Variants in RELN observed in about 807,000 individuals in gnomAD.
RELN encodes the protein reelin.
A neutral mutation model predicts 427.6 loss-of-function variants in RELN; 108 were observed. The ratio of observed to expected loss-of-function variants is 0.25; its 90% CI spans 0.22 to 0.30. The LOEUF is 0.30. Ranked by LOEUF, RELN falls within the 10% of genes least tolerant of loss-of-function variation. RELN has a pLI of 1.00. For missense variants in RELN, 3,715 were observed against 4,302.8 expected (o/e 0.86, Z 3.82); for synonymous variants, 1,524 against 1,513.4 (o/e 1.01, Z -0.16).
At chr7:103,828,340 T>G (rs2116393273) in intron 3 of RELN, among the ~76,000 whole-genome samples, 1 of 152,132 alleles carries the variant, frequency 6.6e-6, no homozygotes, top group Non-Finnish European at 1.5e-5. Flanking sequence ...TTAAGAAAAC[T>G]ATCCCTCTAG....
intron 1 of RELN, among the ~76,000 whole-genome samples, chr7:103,944,475 G>A (rs1157395251): frequency 6.6e-6 from 1 of 152,162 alleles, no homozygotes; most frequent in African/African-American, 2.4e-5. Context: ...ATGTAAGTCA[G>A]GAATGGATAC....
intron 3 of RELN, among the ~76,000 whole-genome samples, chr7:103,786,240 G>C: frequency 6.6e-6 from 1 of 151,860 alleles, no homozygotes. Context: ...ACTAAGGAGA[G>C]ATAATCACTA....
At chr7:103,664,934 G>A (rs62482607) in intron 11 of RELN, among the ~76,000 whole-genome samples, 7,536 of 152,010 alleles carry the variant, frequency 0.05, 299 homozygotes, top group Non-Finnish European at 0.076. Flanking sequence ...TGGATGTATG[G>A]ATGAGTTTTA....
intron 4 of RELN, among the ~76,000 whole-genome samples, chr7:103,757,084 A>G (rs1191654944): frequency 6.6e-6 from 1 of 152,226 alleles, no homozygotes; most frequent in African/African-American, 2.4e-5. Context: ...AGCCTGAGGA[A>G]GAATGATATA....
At chr7:103,950,970 C>G (rs960184954) in intron 1 of RELN, among the ~76,000 whole-genome samples, 2 of 152,150 alleles carry the variant, frequency 1.3e-5, no homozygotes, top group African/African-American at 4.8e-5. Flanking sequence ...GCTCTGTCGC[C>G]CAGGCTGGAG....
At chr7:103,885,540 A>C (rs1794707380) in intron 2 of RELN, among the ~76,000 whole-genome samples, 3 of 152,196 alleles carry the variant, frequency 2.0e-5, no homozygotes, top group Admixed American at 2.0e-4. Flanking sequence ...TGGAACAATG[A>C]GAACACATGG....
At chr7:103,654,293 C>G in intron 12 of RELN, 88 bp from the exon 13 acceptor site, 1 of 755,708 alleles carries the variant, frequency 1.3e-6, no homozygotes, top group Non-Finnish European at 2.4e-6. Context: ...AATGAAAAAT[C>G]ATTATAGTAC....
chr7:103,628,753 CAAAAT>C (rs774287250), intron 20 of RELN, among the ~76,000 whole-genome samples: 51 of 152,262 alleles, frequency 3.3e-4, no homozygotes, highest in Admixed American at 5.2e-4. Context: ...TGACTTAATA[CAAAAT>C]AAAAGTCTTT....
Position 103,818,152 on chromosome 7 carries a change from AT to A in RELN, c.473+15384del, listed in dbSNP as rs1315677046. Among the ~76,000 whole-genome samples, 3 of 152,068 alleles carry A rather than the reference AT, an allele frequency of 2.0e-5. No individual in the cohort carries two copies. In the East Asian group the frequency reaches 5.8e-4, roughly 29 times the overall value. On this transcript the variant is annotated intron_variant, in intron 3 of 64. Transcript: ENST00000428762. ...AGTATACAGTTAAAAATAACACAGG[AT>A]TTTTTAAAAATGTAAGTATCAGACA...
intron 4 of RELN, among the ~76,000 whole-genome samples, chr7:103,757,096 T>C (rs1437368667): frequency 6.6e-6 from 1 of 152,184 alleles, no homozygotes; most frequent in African/African-American, 2.4e-5. Flanking sequence ...AATGATATAG[T>C]TCAACATTAT....
intron 24 of RELN, among the ~76,000 whole-genome samples, chr7:103,599,929 C>A (rs1445710799): frequency 2.0e-5 from 3 of 152,154 alleles, no homozygotes; most frequent in Non-Finnish European, 4.4e-5. Flanking sequence ...CAGGGTCGTC[C>A]TCTGTCGCCC....
At position 103,753,095 on chromosome 7, in the gene RELN, C is replaced by T. The variant is rs147467309; in HGVS notation, c.577+87G>A. On this transcript the variant is annotated intron_variant, in intron 5 of 64. Transcript: ENST00000428762. ...TGATCAGAGAGGACAGCTTCCTTGC[C>T]TCTATAACATCTGCTCGTATAGCCA... The T allele has an allele frequency of 2.0e-4, 268 of 1,333,608 alleles. No individual in the cohort carries two copies. In the African/African-American group the frequency reaches 3.4e-3, roughly 17 times the overall value. The allele number at this position is 1,333,608 out of a possible 1,614,324, so 82.6% of individuals were successfully genotyped here. A position where few individuals can be genotyped will look rare whatever the true frequency, so the allele number is the denominator to read the frequency against.
chr7:103,811,147 G>A (rs912707967), intron 3 of RELN, among the ~76,000 whole-genome samples: 5 of 152,078 alleles, frequency 3.3e-5, no homozygotes, highest in African/African-American at 7.2e-5. Context: ...AGGCATATAC[G>A]AAAATTACAA....
intron 49 of RELN, among the ~76,000 whole-genome samples, chr7:103,516,735 GAC>G (rs1311858566): frequency 1.3e-5 from 2 of 152,106 alleles, no homozygotes; most frequent in African/African-American, 4.8e-5. Flanking sequence ...GGGCTTCAGT[GAC>G]AGTTTTAGTT....
At chr7:103,852,717 TA>T (rs1372676273) in intron 2 of RELN, among the ~76,000 whole-genome samples, 1 of 152,022 alleles carries the variant, frequency 6.6e-6, no homozygotes, top group Non-Finnish European at 1.5e-5. Flanking sequence ...TAGAATAAAT[TA>T]AATAACATTA....
intron 2 of RELN, among the ~76,000 whole-genome samples, chr7:103,846,418 A>C (rs1793679110): frequency 6.6e-6 from 1 of 152,206 alleles, no homozygotes; most frequent in Non-Finnish European, 1.5e-5. Context: ...CTTTATACAA[A>C]AATTAACTCA....
In RELN at chr7:103,535,450, C is replaced by T; in HGVS notation, c.7215G>A (p.Leu2405=). The T allele has an allele frequency of 6.2e-7, 1 of 1,614,054 alleles. No individual in the cohort carries two copies. Among genetic ancestry groups the T allele is most frequent in the Non-Finnish European group, 8.5e-7 (1 of 1,179,948 alleles). ...IELEYSVDLG[L]SWHPLVRDCL... is the part of the protein sequence containing the mutation. ...AGTCCCTTACCAATGGGTGCCATGA[C>T]AATCCAAGATCTACTGAGTATTCCA... is the stretch of plus-strand genomic sequence containing the variant. The change falls in exon 46 of 65, where the codon TTG becomes TTA. Residue 2405 remains leucine, a synonymous_variant. Transcript: ENST00000428762.
intron 3 of RELN, among the ~76,000 whole-genome samples, chr7:103,794,141 A>T (rs576482629): frequency 7.9e-5 from 12 of 152,148 alleles, no homozygotes; most frequent in Non-Finnish European, 1.5e-4. Flanking sequence ...TGCTGATACT[A>T]AACTATCTAG....
At chr7:103,924,135 T>C (rs1584371520) in intron 1 of RELN, among the ~76,000 whole-genome samples, 1 of 152,074 alleles carries the variant, frequency 6.6e-6, no homozygotes, top group Non-Finnish European at 1.5e-5. Context: ...GGGTGGCAGG[T>C]GCTTGATCTT....
Sources: gnomAD v4.1 joint callset for allele counts (sites outside exome capture counted in the v4.1 genomes callset) on GRCh38, gnomAD v4.1.1 for gene constraint, MANE v1.5 for transcripts, NCBI Gene and HGNC (gene_info 2026-07-23, HGNC 2026-07-21) for gene names.